The following LHFPL1 variants were observed in gnomAD, a reference collection of about 807,000 sequenced individuals.
LHFPL1 encodes LHFPL tetraspan subfamily member 1, also known as LHFPL tetraspan subfamily member 1 protein.
LHFPL1 carries 4 observed loss-of-function variants against 12.1 expected under a neutral mutation model. That is an observed-to-expected ratio of 0.33 (90% CI 0.16 to 0.76). The LOEUF (loss-of-function observed/expected upper bound fraction) is 0.76, where lower values mean the gene tolerates loss of function less well. Among genes scored for constraint, LHFPL1 ranks in the 30% least tolerant of loss-of-function variants. The pLI is 0.61. For synonymous variants in LHFPL1, 52 were observed against 61.9 expected, an observed-to-expected ratio of 0.84 and a Z score of 0.75; for missense variants, 141 against 174.1, an observed-to-expected ratio of 0.81 and a Z score of 1.07.
intron 1 of LHFPL1, among the ~76,000 whole-genome samples, chrX:112,677,238 T>C (rs1931677058): frequency 9.0e-6 from 1 of 111,667 alleles, no homozygotes; most frequent in African/African-American, 3.3e-5. Context: ...GCACTGCCTT[T>C]CCCAGGGTAA....
At chrX:112,657,492 T>C (rs978354430) in intron 3 of LHFPL1, among the ~76,000 whole-genome samples, 1 of 112,026 alleles carries the variant, frequency 8.9e-6, no homozygotes, top group Non-Finnish European at 1.9e-5. Context: ...AAAGCAGTAT[T>C]AAAAGAGAAG....
chrX:112,645,745 T>A (rs1202959199), intron 3 of LHFPL1, among the ~76,000 whole-genome samples: 2 of 112,137 alleles, frequency 1.8e-5, no homozygotes, highest in Non-Finnish European at 3.8e-5. Context: ...AAAATCTTCA[T>A]TTGATGGCTG....
At chrX:112,644,255 CT>C (rs1392155423) in intron 3 of LHFPL1, among the ~76,000 whole-genome samples, 4 of 110,456 alleles carry the variant, frequency 3.6e-5, no homozygotes, top group African/African-American at 6.6e-5. Flanking sequence ...GTATTACTTT[CT>C]TTTTTTTTCT....
intron 2 of LHFPL1, among the ~76,000 whole-genome samples, chrX:112,664,845 G>A (rs779456785): frequency 2.7e-5 from 3 of 112,177 alleles, no homozygotes; most frequent in African/African-American, 9.7e-5. Context: ...TCATTTACAA[G>A]TGTCAGTCCC....
In LHFPL1 at chrX:112,645,852, G is replaced by C. The variant is rs137920772; in HGVS notation, c.482-14251C>G. On this transcript the variant is annotated intron_variant, in intron 3 of 3. Coordinates refer to ENST00000371968, the MANE Select transcript of LHFPL1 (RefSeq NM_178175.4). ...TATGAAAAGCATTGCACTTGACAGG[G>C]CTGTTGCAAGGAGCCTTTACCTGTT... 7.6e-3 allele frequency among the ~76,000 whole-genome samples: 850 copies of C among 111,662 alleles called. 8 individuals carry two copies. Among genetic ancestry groups the C allele is most frequent in the African/African-American group, 0.027 (815 of 30,741 alleles).
intron 1 of LHFPL1, among the ~76,000 whole-genome samples, chrX:112,679,626 T>C (rs2147737918): frequency 9.0e-6 from 1 of 111,703 alleles, no homozygotes; most frequent in East Asian, 2.8e-4. Flanking sequence ...TGATTCATCT[T>C]AGCCTCTGTG....
intron 3 of LHFPL1, among the ~76,000 whole-genome samples, chrX:112,660,261 T>C (rs969163758): frequency 5.4e-5 from 6 of 112,144 alleles, no homozygotes; most frequent in South Asian, 3.7e-4. Context: ...TCAGTGGAGA[T>C]TGACAAACGA....
intron 2 of LHFPL1, among the ~76,000 whole-genome samples, chrX:112,663,027 G>A (rs930784938): frequency 5.4e-5 from 6 of 111,423 alleles, no homozygotes; most frequent in African/African-American, 1.6e-4. Flanking sequence ...CTTCTCAAGC[G>A]GAAACTAGAG....
intron 3 of LHFPL1, among the ~76,000 whole-genome samples, chrX:112,656,720 A>G (rs1931014422): frequency 8.9e-6 from 1 of 112,740 alleles, no homozygotes; most frequent in African/African-American, 3.2e-5. Context: ...ATACTCCTCA[A>G]TTTACAGTGG....
At chrX:112,649,689 T>G (rs1692941099) in intron 3 of LHFPL1, among the ~76,000 whole-genome samples, 1 of 112,216 alleles carries the variant, frequency 8.9e-6, no homozygotes, top group Non-Finnish European at 1.9e-5. Context: ...GGTATAAAAT[T>G]TTAAAAGCAT....
At chrX:112,670,981 C>T (rs1931478122) in intron 2 of LHFPL1, 28 bp downstream of exon 2, 3 of 1,190,900 alleles carry the variant, frequency 2.5e-6, no homozygotes, top group South Asian at 3.7e-5. Context: ...GCTACCCAAC[C>T]TACCCAATCC....
chrX:112,657,909 C>CA (rs57793060), intron 3 of LHFPL1, among the ~76,000 whole-genome samples: 4,279 of 61,236 alleles, frequency 0.07, 176 homozygotes, highest in African/African-American at 0.14. Flanking sequence ...AAAACAGAAG[C>CA]AAAAAAAAAA....
At chrX:112,647,267 A>G in intron 3 of LHFPL1, among the ~76,000 whole-genome samples, 1 of 112,159 alleles carries the variant, frequency 8.9e-6, no homozygotes. Flanking sequence ...AGGCATGGGC[A>G]AGGACTTCAT....
intron 3 of LHFPL1, 144 bp downstream of exon 3, chrX:112,660,483 G>A (rs1479400300): frequency 4.1e-6 from 2 of 492,460 alleles, no homozygotes; most frequent in Admixed American, 3.0e-5. Flanking sequence ...CAACTCTTGT[G>A]AGTTAAGCTA....
chrX:112,633,831 A>C (rs1930260688), intron 3 of LHFPL1, among the ~76,000 whole-genome samples: 1 of 111,634 alleles, frequency 9.0e-6, no homozygotes, highest in Non-Finnish European at 1.9e-5. Flanking sequence ...AAAGGAGCTC[A>C]ACTATCTCCA....
At chrX:112,657,705 T>C (rs1389027349) in intron 3 of LHFPL1, among the ~76,000 whole-genome samples, 1 of 111,170 alleles carries the variant, frequency 9.0e-6, no homozygotes, top group African/African-American at 3.3e-5. Flanking sequence ...TTTCAAGAAA[T>C]GGTGCTACAA....
At chrX:112,656,919 C>T (rs1602681528) in intron 3 of LHFPL1, among the ~76,000 whole-genome samples, 1 of 112,289 alleles carries the variant, frequency 8.9e-6, no homozygotes, top group East Asian at 2.8e-4. Context: ...GTTGTTGGTG[C>T]CTGACTGAGA....
At chrX:112,670,489 G>A (rs1207931765) in intron 2 of LHFPL1, among the ~76,000 whole-genome samples, 1 of 112,622 alleles carries the variant, frequency 8.9e-6, no homozygotes, top group Non-Finnish European at 1.9e-5. Context: ...AGCCTTAGAT[G>A]TGGTCCAGAT....
At chrX:112,670,298 A>T (rs1482232824) in intron 2 of LHFPL1, among the ~76,000 whole-genome samples, 2 of 112,569 alleles carry the variant, frequency 1.8e-5, no homozygotes, top group Non-Finnish European at 3.7e-5. Flanking sequence ...TACAGCTGTC[A>T]CTGTCTTCCT....
Sources: allele counts gnomAD v4.1 joint callset (sites outside exome capture counted in the v4.1 genomes callset), GRCh38; gene constraint gnomAD v4.1.1; transcripts MANE v1.5; gene names NCBI Gene and HGNC (gene_info 2026-07-23, HGNC 2026-07-21).